The following ATP10A variants were observed in gnomAD, a reference collection of about 807,000 sequenced individuals.
The protein encoded by ATP10A is ATPase phospholipid transporting 10A (putative), also known as phospholipid-transporting ATPase VA.
In ATP10A, 111 loss-of-function variants were observed where a neutral mutation model predicts 147.8. The ratio of observed to expected loss-of-function variants is 0.75; its 90% confidence interval spans 0.64 to 0.88. The LOEUF is 0.88. Among genes scored for constraint, ATP10A ranks in the 40% least tolerant of loss-of-function variants. ATP10A has a pLI of 0.00. For missense variants in ATP10A, 1,927 were observed against 1,959.0 expected, an observed-to-expected ratio of 0.98 and a Z score of 0.31; for synonymous variants, 875 against 841.6, an observed-to-expected ratio of 1.04 and a Z score of -0.69.
chr15:25,750,703 A>C (rs1001855831), intron 2 of ATP10A, among the ~76,000 whole-genome samples: 3 of 53,284 alleles, frequency 5.6e-5, no homozygotes, highest in African/African-American at 2.9e-4. Flanking sequence ...CAACATATAT[A>C]TATGATGATG....
Position 25,727,141 on chromosome 15 carries a change from G to T in ATP10A, c.847+19C>A. 6.3e-7 allele frequency: 1 copy of T among 1,586,004 alleles called. No individual in the cohort carries two copies. Among genetic ancestry groups the T allele is most frequent in the Non-Finnish European group, 8.7e-7 (1 of 1,154,282 alleles). On this transcript the variant is annotated intron_variant, in intron 4 of 20. Transcript: ENST00000555815. ...ACAGCGCTGTCTGGCGGCAGGTGGT[G>T]CCAGGTGCCCGAGCCTACCTGCGTA...
chr15:25,857,529 A>G (rs1893570686), intron 1 of ATP10A, among the ~76,000 whole-genome samples: 1 of 152,194 alleles, frequency 6.6e-6, no homozygotes, highest in Admixed American at 6.5e-5. Context: ...AAAGACAAAT[A>G]CTGACACATT....
At chr15:25,685,341 C>G (rs1280472201) in intron 16 of ATP10A, among the ~76,000 whole-genome samples, 8 of 152,154 alleles carry the variant, frequency 5.3e-5, no homozygotes, top group African/African-American at 1.9e-4. Flanking sequence ...CCTTTCTGCA[C>G]CCTTCAATGG....
At chr15:25,844,637 C>A (rs533289523) in intron 1 of ATP10A, among the ~76,000 whole-genome samples, 5 of 152,210 alleles carry the variant, frequency 3.3e-5, no homozygotes, top group Admixed American at 3.3e-4. Flanking sequence ...CCGCCCCATG[C>A]ACCCTGAGTG....
At chr15:25,844,893 A>C (rs1032352853) in intron 1 of ATP10A, among the ~76,000 whole-genome samples, 6 of 152,338 alleles carry the variant, frequency 3.9e-5, no homozygotes, top group African/African-American at 1.4e-4. Flanking sequence ...GGTTTCAGGC[A>C]TGGCTGTTCT....
chr15:25,835,883 G>C (rs1471787906), intron 1 of ATP10A, among the ~76,000 whole-genome samples: 1 of 152,048 alleles, frequency 6.6e-6, no homozygotes, highest in Non-Finnish European at 1.5e-5. Context: ...GTGCAATCTC[G>C]GCTCACTGCC....
At chr15:25,708,503 T>C (rs1901191002) in intron 10 of ATP10A, 4 of 551,348 alleles carry the variant, frequency 7.3e-6, no homozygotes, top group South Asian at 4.3e-5. Flanking sequence ...TATTTTTTTA[T>C]AGAGACAGGG....
chr15:25,715,180 G>A (rs1364726978), intron 9 of ATP10A, among the ~76,000 whole-genome samples: 1 of 152,190 alleles, frequency 6.6e-6, no homozygotes, highest in Non-Finnish European at 1.5e-5. Flanking sequence ...AGAAAAATCA[G>A]GTGTTTGGTA....
chr15:25,731,394 C>T (rs944526306), intron 3 of ATP10A, among the ~76,000 whole-genome samples: 3 of 152,132 alleles, frequency 2.0e-5, no homozygotes, highest in East Asian at 3.8e-4. Flanking sequence ...ATTGACAGAT[C>T]GGAAAAGAGA....
rs534134810 is a variant in ATP10A, at chr15:25,839,649, T to G, written c.449+22999A>C. Among the ~76,000 whole-genome samples the G allele has an allele frequency of 4.6e-5, 7 of 152,318 alleles. No homozygotes were observed. In the South Asian group the frequency reaches 1.5e-3, roughly 32 times the overall value. ...GCAGGAGCCCCACCTGGGCAACATG[T>G]GTACTGGGCACACCAAATTTCCATG... is the stretch of plus-strand genomic sequence containing the variant. On this transcript the variant is annotated intron_variant, in intron 1 of 20. Coordinates refer to ENST00000555815, the MANE Select transcript of ATP10A (RefSeq NM_024490.4).
chr15:25,694,671 A>G, intron 14 of ATP10A, 148 bp downstream of exon 14: 1 of 745,472 alleles, frequency 1.3e-6, no homozygotes, highest in Non-Finnish European at 2.1e-6. Flanking sequence ...CCTTCGGAAC[A>G]TGTTGCCTGC....
chr15:25,734,218 CTG>C (rs1324627805), intron 3 of ATP10A, among the ~76,000 whole-genome samples: 1 of 152,026 alleles, frequency 6.6e-6, no homozygotes, highest in East Asian at 1.9e-4. Context: ...TTCCTAGGCT[CTG>C]TGGATCCAGC....
Position 25,809,721 on chromosome 15 carries a change from A to T in ATP10A, c.450-28498T>A, listed in dbSNP as rs557518880. On this transcript the variant is annotated intron_variant, in intron 1 of 20. Coordinates refer to ENST00000555815, the MANE Select transcript of ATP10A (RefSeq NM_024490.4). ...ACAGACGGGCTGGGAAGGCAGGAAGACAACCCCACTCCTGCATTTAATCTC... is the reference window on the plus strand; with the variant it reads ...ACAGACGGGCTGGGAAGGCAGGAAGTCAACCCCACTCCTGCATTTAATCTC... 2.6e-5 allele frequency among the ~76,000 whole-genome samples: 4 copies of T among 152,210 alleles called. No homozygotes were observed. The South Asian group carries it at 8.3e-4, about 32-fold the overall frequency.
At chr15:25,786,714 C>A (rs1331214657) in intron 1 of ATP10A, among the ~76,000 whole-genome samples, 1 of 146,084 alleles carries the variant, frequency 6.8e-6, no homozygotes, top group Admixed American at 7.1e-5. Context: ...CAAGCTCCGC[C>A]TCCTGGGTTC....
chr15:25,681,389 T>C (rs938484664), intron 17 of ATP10A, among the ~76,000 whole-genome samples: 2 of 152,214 alleles, frequency 1.3e-5, no homozygotes, highest in Non-Finnish European at 2.9e-5. Context: ...AAAACGATCA[T>C]GAAATTTTTT....
chr15:25,718,466 C>T (rs374542041), intron 7 of ATP10A, 67 bp from the exon 8 acceptor site: 4 of 1,497,588 alleles, frequency 2.7e-6, no homozygotes, highest in East Asian at 2.5e-5. Context: ...AGAAACCATT[C>T]AGTGTGTTTT....
In ATP10A at chr15:25,680,937, A is replaced by C. The variant is rs754910264; in HGVS notation, c.3574-23T>G. The C allele has an allele frequency of 2.0e-5, 32 of 1,613,712 alleles. No individual in the cohort carries two copies. In the South Asian group the frequency reaches 3.5e-4, roughly 18 times the overall value. ...GGCCTGAAAGACAGTGGGGTCCTGG[A>C]TCTGTAGGTCCCCGGATCCAGCTGG... On this transcript the variant is annotated intron_variant, in intron 18 of 20. Transcript: ENST00000555815.
chr15:25,797,681 C>G (rs1890742349), intron 1 of ATP10A, among the ~76,000 whole-genome samples: 1 of 152,204 alleles, frequency 6.6e-6, no homozygotes, highest in Non-Finnish European at 1.5e-5. Flanking sequence ...CCCAGCTCCA[C>G]AGCACGCAGA....
At chr15:25,719,753 C>G (rs561676653) in intron 7 of ATP10A, among the ~76,000 whole-genome samples, 1 of 152,156 alleles carries the variant, frequency 6.6e-6, no homozygotes, top group South Asian at 2.1e-4. Flanking sequence ...GCAGGTAATG[C>G]CCCCTCCTGG....
Sources: gnomAD v4.1 joint callset for allele counts (sites outside exome capture counted in the v4.1 genomes callset) on GRCh38, gnomAD v4.1.1 for gene constraint, MANE v1.5 for transcripts, NCBI Gene and HGNC (gene_info 2026-07-23, HGNC 2026-07-21) for gene names.